The following NLGN1 variants were observed in gnomAD, a reference collection of about 807,000 sequenced individuals.
NLGN1 encodes the protein neuroligin-1.
In NLGN1, 12 loss-of-function variants were observed where a neutral mutation model predicts 65.5. That is an observed-to-expected ratio of 0.18 (90% CI 0.12 to 0.30). The LOEUF is 0.30. Ranked by LOEUF, NLGN1 falls within the 10% of genes least tolerant of loss-of-function variation. NLGN1 has a pLI of 1.00. For synonymous variants in NLGN1, 350 were observed against 359.5 expected (o/e 0.97, Z 0.30); for missense variants, 750 against 1,007.1 (o/e 0.74, Z 3.46).
chr3:174,147,383 G>A (rs1038195875), intron 4 of NLGN1, among the ~76,000 whole-genome samples: 36 of 144,996 alleles, frequency 2.5e-4, no homozygotes, highest in Non-Finnish European at 4.6e-4. Context: ...TTGCAAAGGG[G>A]AATGAAAATC....
intron 1 of NLGN1, among the ~76,000 whole-genome samples, chr3:173,402,055 TGA>T (rs1203789753): frequency 1.3e-5 from 2 of 152,200 alleles, no homozygotes; most frequent in African/African-American, 4.8e-5. Flanking sequence ...AGTAATCATG[TGA>T]GAGATGTCAA....
intron 2 of NLGN1, among the ~76,000 whole-genome samples, chr3:173,536,087 G>A (rs1471227680): frequency 2.0e-5 from 3 of 152,252 alleles, no homozygotes; most frequent in South Asian, 2.1e-4. Context: ...TTGGGTGGGT[G>A]GGAGCCTTAG....
chr3:174,147,005 T>C (rs987357684), intron 4 of NLGN1, among the ~76,000 whole-genome samples: 12 of 152,226 alleles, frequency 7.9e-5, no homozygotes, highest in African/African-American at 2.9e-4. Flanking sequence ...TGAACAAGAA[T>C]GTAAAACATC....
chr3:173,746,641 A>G (rs969348735), intron 3 of NLGN1, among the ~76,000 whole-genome samples: 4 of 152,134 alleles, frequency 2.6e-5, no homozygotes, highest in African/African-American at 9.6e-5. Flanking sequence ...ACATTCTGAC[A>G]TGTCCTCTAC....
At chr3:173,895,808 A>G (rs1736251741) in intron 4 of NLGN1, among the ~76,000 whole-genome samples, 1 of 151,806 alleles carries the variant, frequency 6.6e-6, no homozygotes, top group Middle Eastern at 3.2e-3. Flanking sequence ...CTCCTGTCTC[A>G]GCCTCCCAAG....
At chr3:173,476,617 G>T (rs1375963706) in intron 2 of NLGN1, among the ~76,000 whole-genome samples, 1 of 152,086 alleles carries the variant, frequency 6.6e-6, no homozygotes, top group South Asian at 2.1e-4. Flanking sequence ...AAGAAGTAAG[G>T]CCAGGTTATA....
intron 2 of NLGN1, among the ~76,000 whole-genome samples, chr3:173,538,713 T>C (rs567848729): frequency 6.6e-6 from 1 of 152,242 alleles, no homozygotes; most frequent in South Asian, 2.1e-4. Flanking sequence ...TGAGTAGAAG[T>C]CCATATGTGA....
intron 4 of NLGN1, among the ~76,000 whole-genome samples, chr3:174,198,118 T>C (rs1449113251): frequency 3.9e-5 from 6 of 152,186 alleles, no homozygotes; most frequent in Non-Finnish European, 8.8e-5. Context: ...TAATCATCTA[T>C]AATATAATCA....
At chr3:174,177,278 C>G (rs1310379219) in intron 4 of NLGN1, among the ~76,000 whole-genome samples, 3 of 151,976 alleles carry the variant, frequency 2.0e-5, no homozygotes, top group Non-Finnish European at 4.4e-5. Flanking sequence ...TACTTTTTCT[C>G]TTCTTTCTAC....
intron 4 of NLGN1, among the ~76,000 whole-genome samples, chr3:174,080,177 T>C (rs1208905248): frequency 2.6e-5 from 4 of 152,194 alleles, no homozygotes; most frequent in Non-Finnish European, 5.9e-5. Flanking sequence ...ATCCAAAATA[T>C]ATACCCAATG....
intron 3 of NLGN1, among the ~76,000 whole-genome samples, chr3:173,668,893 G>C (rs1762086757): frequency 6.6e-6 from 1 of 152,034 alleles, no homozygotes; most frequent in Admixed American, 6.5e-5. Context: ...CAAAGTGCTG[G>C]GATTACAGGC....
intron 4 of NLGN1, among the ~76,000 whole-genome samples, chr3:174,048,579 GA>G (rs910629547): frequency 6.6e-6 from 1 of 150,612 alleles, no homozygotes; most frequent in African/African-American, 2.4e-5. Context: ...TTAGAGATAT[GA>G]AAAAAAAATT....
chr3:173,737,476 T>C (rs951399117), intron 3 of NLGN1, among the ~76,000 whole-genome samples: 2 of 152,048 alleles, frequency 1.3e-5, no homozygotes, highest in African/African-American at 2.4e-5. Flanking sequence ...TCTCTATAGA[T>C]TGCCTCTTCA....
intron 3 of NLGN1, among the ~76,000 whole-genome samples, chr3:173,700,863 A>T (rs369141035): frequency 3.9e-5 from 6 of 152,026 alleles, no homozygotes; most frequent in Admixed American, 2.0e-4. Context: ...CGGTGGCTCA[A>T]GCCTGTAATC....
intron 4 of NLGN1, among the ~76,000 whole-genome samples, chr3:174,116,384 C>T (rs191701274): frequency 3.2e-5 from 4 of 125,102 alleles, no homozygotes; most frequent in South Asian, 2.6e-4. Flanking sequence ...ATAGCCCAGG[C>T]TGTAATGCAC....
chr3:173,786,584 A>G (rs890163506), intron 3 of NLGN1, among the ~76,000 whole-genome samples: 3 of 152,158 alleles, frequency 2.0e-5, no homozygotes, highest in Admixed American at 2.0e-4. Context: ...CATATACATA[A>G]ATATGTGTAG....
rs1250724998 is a variant in NLGN1 at position 173,604,661 on chromosome 3, A to G, written c.63A>G (p.Val21=). The stretch of plus-strand genomic sequence containing the variant: ...GGAGAGCAGTGATGGCATGCTTGGT[A>G]CACCGGGGATTGGGTGCCCCATTGA... Residue 21 remains valine (V), a synonymous_variant, in exon 3 of 7, where the codon GTA becomes GTG. Transcript: ENST00000457714. The G allele has an allele frequency of 3.1e-6, 5 of 1,613,584 alleles. No homozygotes were observed. The East Asian group carries it at 8.9e-5, about 29-fold the overall frequency.
intron 4 of NLGN1, among the ~76,000 whole-genome samples, chr3:173,926,541 T>C (rs902396615): frequency 3.9e-5 from 6 of 152,208 alleles, no homozygotes; most frequent in African/African-American, 1.2e-4. Context: ...TATACATCCA[T>C]GTATTTATCA....
intron 4 of NLGN1, among the ~76,000 whole-genome samples, chr3:174,121,408 T>G (rs1362733588): frequency 1.3e-5 from 2 of 152,222 alleles, no homozygotes; most frequent in Non-Finnish European, 2.9e-5. Flanking sequence ...CTGTGCTTTG[T>G]GTAAAAATGC....
Sources: allele counts gnomAD v4.1 joint callset (sites outside exome capture counted in the v4.1 genomes callset), GRCh38; gene constraint gnomAD v4.1.1; transcripts MANE v1.5; gene names NCBI Gene and HGNC (gene_info 2026-07-23, HGNC 2026-07-21).